Variants in NOP58 observed in about 807,000 individuals in gnomAD.
The protein encoded by NOP58 is nucleolar protein 58.
Under a neutral mutation model 71.2 loss-of-function variants are expected in NOP58, and 44 were observed. The ratio of observed to expected loss-of-function variants is 0.62; its 90% confidence interval spans 0.49 to 0.79. NOP58 has a LOEUF of 0.79. Among genes scored for constraint, NOP58 ranks in the 30% least tolerant of loss-of-function variants. NOP58 has a pLI of 0.00. For missense variants in NOP58, 538 were observed against 620.2 expected (o/e 0.87, Z 1.41); for synonymous variants, 228 against 200.3 (o/e 1.14, Z -1.17).
chr2:202,295,962 G>A (rs1688980464), intron 10 of NOP58, 125 bp downstream of exon 10: 3 of 684,842 alleles, frequency 4.4e-6, no homozygotes, highest in Non-Finnish European at 6.6e-6. Flanking sequence ...ATAGGGAATG[G>A]TGAGTTATTT....
intron 2 of NOP58, 92 bp downstream of exon 2, chr2:202,275,281 C>T (rs556157561): frequency 8.4e-5 from 55 of 651,058 alleles, no homozygotes; most frequent in East Asian, 5.1e-4. Flanking sequence ...ATGTTACATT[C>T]GTAGTTTTCT....
intron 3 of NOP58, among the ~76,000 whole-genome samples, chr2:202,278,550 A>T (rs546469104): frequency 6.6e-6 from 1 of 152,348 alleles, no homozygotes; most frequent in South Asian, 2.1e-4. Context: ...CATACTCTTC[A>T]ACTAGATTTC....
At chr2:202,292,115 T>C (rs1283034533) in intron 8 of NOP58, among the ~76,000 whole-genome samples, 3 of 149,082 alleles carry the variant, frequency 2.0e-5, no homozygotes, top group Admixed American at 1.4e-4. Flanking sequence ...TGCCTCAGCC[T>C]CCCGAGTAGC....
intron 1 of NOP58, among the ~76,000 whole-genome samples, chr2:202,273,432 A>G (rs1368804169): frequency 6.6e-6 from 1 of 152,202 alleles, no homozygotes; most frequent in Non-Finnish European, 1.5e-5. Flanking sequence ...CTTTTCAGCC[A>G]GGGTAATGAT....
Position 202,291,213 on chromosome 2 carries a change from A to T in NOP58, c.723A>T (p.Ser241=), listed in dbSNP as rs3731700. The change falls in exon 8 of 15, where the codon TCA becomes TCT. Residue 241 remains serine, a synonymous_variant. Transcript: ENST00000264279. ...EAEVKAAAEI[S]MGTEVSEEDI... is the part of the protein sequence containing the mutation. ...AAGTGAAAGCAGCTGCAGAGATATC[A>T]ATGGGAACAGAGGTTTCAGAAGAAG... 3 of 1,612,196 alleles carry T rather than the reference A, an allele frequency of 1.9e-6. No individual in the cohort carries two copies. The highest frequency in any genetic ancestry group is 1.3e-5 in the African/African-American group (1 of 74,958).
At position 202,303,649 on chromosome 2, in the gene NOP58, C is replaced by A; in HGVS notation, c.*213C>A. 1 of 452,266 alleles carries A rather than the reference C, an allele frequency of 2.2e-6. No homozygotes were observed. The highest frequency in any genetic ancestry group is 3.6e-6 in the Non-Finnish European group (1 of 277,114). 28.0% of individuals were successfully genotyped at this position (452,266 alleles called of 1,614,324 possible). ...GTCTTTGATATACAAATAAAATTTT[C>A]TTTGTATTTTAAGACAATTTTGTGA... On this transcript the variant is annotated 3_prime_UTR_variant, in exon 15 of 15. Coordinates refer to ENST00000264279, the MANE Select transcript of NOP58 (RefSeq NM_015934.5).
At chr2:202,284,967 G>T (rs1411502502) in intron 5 of NOP58, among the ~76,000 whole-genome samples, 1 of 152,132 alleles carries the variant, frequency 6.6e-6, no homozygotes, top group East Asian at 1.9e-4. Flanking sequence ...CTCTTTGGGA[G>T]ACCAGGAGTT....
intron 10 of NOP58, 140 bp downstream of exon 10, chr2:202,295,977 A>G: frequency 1.6e-6 from 1 of 615,932 alleles, no homozygotes; most frequent in South Asian, 5.2e-5. Flanking sequence ...TTATTTAAAT[A>G]AAAAGTGCTT....
intron 12 of NOP58, among the ~76,000 whole-genome samples, chr2:202,298,298 C>G (rs191650617): frequency 3.5e-4 from 54 of 152,206 alleles, no homozygotes; most frequent in Non-Finnish European, 7.2e-4. Context: ...TTATTCATTT[C>G]CAGATATTGA....
At chr2:202,297,752 G>A (rs923075607) in intron 11 of NOP58, 93 bp from the exon 12 acceptor site, 13 of 836,112 alleles carry the variant, frequency 1.6e-5, no homozygotes, top group Non-Finnish European at 2.2e-5. Context: ...AGAAATTGCT[G>A]TTTGCTGGCC....
intron 1 of NOP58, among the ~76,000 whole-genome samples, chr2:202,270,743 T>C (rs1015846522): frequency 1.3e-5 from 2 of 151,918 alleles, no homozygotes; most frequent in Non-Finnish European, 2.9e-5. Context: ...GAGTGAGACC[T>C]CATCTCAAAA....
intron 5 of NOP58, 27 bp downstream of exon 5, chr2:202,284,508 A>T (rs1430925998): frequency 6.2e-7 from 1 of 1,608,318 alleles, no homozygotes; most frequent in Admixed American, 1.7e-5. Context: ...AATAAAGTCA[A>T]CTTACTTTTA....
At chr2:202,272,476 G>A (rs1389780245) in intron 1 of NOP58, among the ~76,000 whole-genome samples, 1 of 152,126 alleles carries the variant, frequency 6.6e-6, no homozygotes, top group Non-Finnish European at 1.5e-5. Flanking sequence ...ATCACACATG[G>A]TTGAATTAGA....
chr2:202,282,155 C>T (rs1223682238), intron 3 of NOP58, among the ~76,000 whole-genome samples, 196 bp from the exon 4 acceptor site: 1 of 151,998 alleles, frequency 6.6e-6, no homozygotes, highest in African/African-American at 2.4e-5. Context: ...GGCTCTGTAG[C>T]AAAAATGAGG....
At chr2:202,272,834 A>G (rs1241847987) in intron 1 of NOP58, among the ~76,000 whole-genome samples, 4 of 152,220 alleles carry the variant, frequency 2.6e-5, no homozygotes, top group South Asian at 2.1e-4. Context: ...CAAAATTGCC[A>G]TATTTAAAAG....
At chr2:202,287,803 A>G in intron 6 of NOP58, 79 bp downstream of exon 6, 1 of 1,121,444 alleles carries the variant, frequency 8.9e-7, no homozygotes, top group Non-Finnish European at 1.4e-6. Flanking sequence ...ATCTTTTATG[A>G]TTCTGTCTGT....
chr2:202,278,064 C>G, intron 3 of NOP58, 62 bp downstream of exon 3: 2 of 1,043,310 alleles, frequency 1.9e-6, no homozygotes, highest in Admixed American at 1.8e-5. Context: ...GTTTGTTTTT[C>G]TTGTTTAAAA....
At chr2:202,292,326 C>CT (rs1179425411) in intron 8 of NOP58, among the ~76,000 whole-genome samples, 1 of 151,904 alleles carries the variant, frequency 6.6e-6, no homozygotes, top group African/African-American at 2.4e-5. Flanking sequence ...GTTACGCTGA[C>CT]TAAGATTTTC....
At chr2:202,280,232 G>A (rs750847265) in intron 3 of NOP58, among the ~76,000 whole-genome samples, 7 of 152,094 alleles carry the variant, frequency 4.6e-5, no homozygotes, top group Non-Finnish European at 1.0e-4. Flanking sequence ...CAGGCACAGT[G>A]ACTAACACCT....
Sources: allele counts gnomAD v4.1 joint callset (sites outside exome capture counted in the v4.1 genomes callset), GRCh38; gene constraint gnomAD v4.1.1; transcripts MANE v1.5; gene names NCBI Gene and HGNC (gene_info 2026-07-23, HGNC 2026-07-21).